The following BRPF3 variants were observed in gnomAD, a reference collection of about 807,000 sequenced individuals.
BRPF3 encodes bromodomain and PHD finger containing 3.
BRPF3 carries 18 observed loss-of-function variants against 102.0 expected under a neutral mutation model. The observed-to-expected ratio is 0.18, with a 90% CI of 0.12 to 0.26. BRPF3 has a LOEUF of 0.26. Ranked by LOEUF, BRPF3 falls within the 10% of genes least tolerant of loss-of-function variation. The pLI, the probability that BRPF3 is intolerant of heterozygous loss-of-function variation, is 1.00. For synonymous variants in BRPF3, 570 were observed against 614.2 expected (o/e 0.93, Z 1.06); for missense variants, 1,147 against 1,567.8 (o/e 0.73, Z 4.53).
chr6:36,204,856 G>A (rs771455384), intron 3 of BRPF3, 42 bp downstream of exon 3: 1 of 1,599,562 alleles, frequency 6.3e-7, no homozygotes, highest in Non-Finnish European at 8.5e-7. Flanking sequence ...GGGAGGTGGA[G>A]AGTGAAGGAA....
rs1768893781 is a variant in BRPF3, at chr6:36,230,266, T to C, written c.3435-160T>C. On this transcript the variant is annotated intron_variant, in intron 12 of 12. Coordinates refer to ENST00000357641, the MANE Select transcript of BRPF3 (RefSeq NM_015695.3). This position sits in a 1 kb window ranked among gnomAD's most constrained non-coding sequence, Gnocchi z 5.4. ...TATCCTGCTTGCTGTCCTCACCTGC[T>C]AGGTTCTTGGTGGCCTCCTGCATGG... Among the ~76,000 whole-genome samples the C allele has an allele frequency of 6.6e-6, 1 of 152,024 alleles. No individual in the cohort carries two copies. The highest frequency in any genetic ancestry group is 1.5e-5 in the Non-Finnish European group (1 of 67,996).
intron 3 of BRPF3, 100 bp downstream of exon 3, chr6:36,204,914 A>T (rs907219553): frequency 3.3e-6 from 5 of 1,501,312 alleles, no homozygotes; most frequent in South Asian, 1.3e-5. Flanking sequence ...TGATCCCTCC[A>T]TGGAGCCTTT....
chr6:36,206,100 G>A (rs960269186), intron 3 of BRPF3, among the ~76,000 whole-genome samples: 1 of 152,130 alleles, frequency 6.6e-6, no homozygotes, highest in Admixed American at 6.5e-5. Flanking sequence ...TCTTCATTCT[G>A]CAGCTCTCCT....
At chr6:36,203,678 C>T (rs548004150) in intron 2 of BRPF3, among the ~76,000 whole-genome samples, 18 of 152,270 alleles carry the variant, frequency 1.2e-4, no homozygotes, top group African/African-American at 3.6e-4. Context: ...TTTAGCTGTG[C>T]TTATCTTTGT....
intron 8 of BRPF3, among the ~76,000 whole-genome samples, chr6:36,217,092 G>A (rs1768354934): frequency 6.6e-6 from 1 of 152,158 alleles, no homozygotes; most frequent in Non-Finnish European, 1.5e-5. Flanking sequence ...TCACTTCAAG[G>A]TCATATACCT....
At chr6:36,212,302 A>G (rs1474515654) in intron 7 of BRPF3, among the ~76,000 whole-genome samples, 1 of 152,144 alleles carries the variant, frequency 6.6e-6, no homozygotes, top group Non-Finnish European at 1.5e-5. Flanking sequence ...CCGAGCCTAT[A>G]GCTTGGGAGG....
At chr6:36,224,029 G>T (rs1167797543) in intron 10 of BRPF3, among the ~76,000 whole-genome samples, 2 of 152,140 alleles carry the variant, frequency 1.3e-5, no homozygotes, top group Non-Finnish European at 2.9e-5. Flanking sequence ...GATTCAATAG[G>T]TGCAAAATAG....
At chr6:36,218,158 G>A in intron 9 of BRPF3, 148 bp downstream of exon 9, 1 of 644,768 alleles carries the variant, frequency 1.6e-6, no homozygotes, top group Non-Finnish European at 2.7e-6. Flanking sequence ...CTGTAACTCT[G>A]GGAGTTCCTA....
chr6:36,211,180 C>T (rs373108772), intron 6 of BRPF3, 78 bp from the exon 7 acceptor site: 25 of 1,456,116 alleles, frequency 1.7e-5, no homozygotes, highest in South Asian at 2.6e-5. Flanking sequence ...GTTTTGCATC[C>T]GAAGGATTCG....
Position 36,214,395 on chromosome 6 carries a change from G to T in BRPF3, c.2989+9G>T. 1 of 1,547,894 alleles carries T rather than the reference G, an allele frequency of 6.5e-7. No individual in the cohort carries two copies. Among genetic ancestry groups the T allele is most frequent in the Non-Finnish European group, 8.7e-7 (1 of 1,151,416 alleles). ...GCAGGAGGAAGAGACAGGTGACCCTGCCTGTGACTTCTCTTGATACTTCGC... is the reference window on the plus strand; with the variant it reads ...GCAGGAGGAAGAGACAGGTGACCCTTCCTGTGACTTCTCTTGATACTTCGC... On this transcript the variant is annotated intron_variant, in intron 8 of 12. Coordinates refer to ENST00000357641, the MANE Select transcript of BRPF3 (RefSeq NM_015695.3).
Position 36,210,290 on chromosome 6 carries a change from G to C in BRPF3, c.1941G>C (p.Leu647=). 2 of 1,614,240 alleles carry C rather than the reference G, an allele frequency of 1.2e-6. No homozygotes were observed. The highest frequency in any genetic ancestry group is 8.5e-7 in the Non-Finnish European group (1 of 1,180,042). The change falls in exon 6 of 13, where the codon CTG becomes CTC. Residue 647 remains leucine, a synonymous_variant. Coordinates refer to ENST00000357641, the MANE Select transcript of BRPF3 (RefSeq NM_015695.3). This position sits in a 1 kb window ranked among gnomAD's most constrained non-coding sequence, Gnocchi z 4.7. ...TGAGGCGGAAGCTGGAGTCCCACCT[G>C]TACCGCACCTTGGAGGAGTTTGAGG... is the stretch of plus-strand genomic sequence containing the variant. ...STMRRKLESH[L]YRTLEEFEED... is the part of the protein sequence containing the mutation.
At chr6:36,208,974 G>A (rs949392422) in intron 4 of BRPF3, among the ~76,000 whole-genome samples, 1 of 152,188 alleles carries the variant, frequency 6.6e-6, no homozygotes, top group Non-Finnish European at 1.5e-5. Context: ...GATGGAATCA[G>A]TATCTCAGCA....
chr6:36,197,213 G>T (rs1004810991), intron 1 of BRPF3: 2 of 151,212 alleles, frequency 1.3e-5, no homozygotes, highest in Non-Finnish European at 2.9e-5. Context: ...CCCAGCCCTG[G>T]ATTCCGAGCC....
chr6:36,205,267 C>T (rs1767865551), intron 3 of BRPF3, among the ~76,000 whole-genome samples: 1 of 152,226 alleles, frequency 6.6e-6, no homozygotes, highest in African/African-American at 2.4e-5. Context: ...TGGCTGTTAG[C>T]CATTAGCAAC....
In BRPF3 at chr6:36,210,511, G is replaced by A. The variant is rs200297276; in HGVS notation, c.2162G>A (p.Arg721His). The A allele has an allele frequency of 5.9e-5, 94 of 1,594,668 alleles. No individual in the cohort carries two copies. Among genetic ancestry groups the A allele is most frequent in the Non-Finnish European group, 7.6e-5 (90 of 1,176,566 alleles). Reference sequence around the variant, plus strand: ...TCACCCAAATTGGAAGACTTTTACCGCTTCTCCTGGGAAGACGGTGAGAGG... The same window carrying A: ...TCACCCAAATTGGAAGACTTTTACCACTTCTCCTGGGAAGACGGTGAGAGG... ...PESPKLEDFY[R>H]FSWEDVDNIL... The change falls in exon 6 of 13, where the codon CGC becomes CAC. Residue 721 changes from arginine to histidine, a missense_variant. Transcript: ENST00000357641. This position sits in a 1 kb window ranked among gnomAD's most constrained non-coding sequence, Gnocchi z 4.7.
chr6:36,198,387 G>A (rs1767581030), intron 1 of BRPF3, among the ~76,000 whole-genome samples: 1 of 152,136 alleles, frequency 6.6e-6, no homozygotes, highest in South Asian at 2.1e-4. Context: ...GTCACAGAGG[G>A]CCAAGATTAG....
chr6:36,214,339 G>A lies in BRPF3; in HGVS notation c.2942G>A (p.Cys981Tyr), dbSNP rs771232154. ...CGGAAGCGGCCAAGGAGCAGGAGCT[G>A]TAGTGAGAGCGAAGGGGAGAGGTCC... ...HSRKRPRSRSCSESEGERSPQ... is the reference protein window; with the variant it reads ...HSRKRPRSRSYSESEGERSPQ... Residue 981 changes from cysteine (C) to tyrosine (Y), a missense_variant, in exon 8 of 13, where the codon TGT becomes TAT. Cys to Tyr is a radical substitution (Grantham distance 194, BLOSUM62 -2). This residue lies in a region of BRPF3 where 379 missense variants were observed against 426.3 expected (regional missense o/e 0.89). Transcript: ENST00000357641. 1.7e-5 allele frequency: 28 copies of A among 1,611,716 alleles called. No homozygotes were observed. Among genetic ancestry groups the A allele is most frequent in the Non-Finnish European group, 1.5e-5 (18 of 1,179,182 alleles).
chr6:36,226,077 A>T (rs1359827941), intron 11 of BRPF3, among the ~76,000 whole-genome samples: 6 of 152,230 alleles, frequency 3.9e-5, no homozygotes, highest in Admixed American at 3.9e-4. Flanking sequence ...CCATATTTTA[A>T]CCATTCCCTA....
chr6:36,200,485 T>A lies in BRPF3; in HGVS notation c.163T>A (p.Tyr55Asn). The A allele has an allele frequency of 1.2e-6, 2 of 1,614,248 alleles. No individual in the cohort carries two copies. Among genetic ancestry groups the A allele is most frequent in the Non-Finnish European group, 1.7e-6 (2 of 1,180,038 alleles). ...IDGRLHRISI[Y>N]DPLKIITEDE... Reference sequence around the variant, plus strand: ...TGGACGCCTGCATCGTATCAGCATCTATGACCCACTCAAAATCATTACTGA... The same window carrying A: ...TGGACGCCTGCATCGTATCAGCATCAATGACCCACTCAAAATCATTACTGA... The change falls in exon 2 of 13, where the codon TAT becomes AAT. Residue 55 changes from tyrosine (Y) to asparagine (N), a missense_variant. Coordinates refer to ENST00000357641, the MANE Select transcript of BRPF3 (RefSeq NM_015695.3). The surrounding 1 kb of genome is among the most constrained non-coding windows in gnomAD (Gnocchi z 5.3).
Sources: allele counts gnomAD v4.1 joint callset (sites outside exome capture counted in the v4.1 genomes callset), GRCh38; gene constraint gnomAD v4.1.1; regional missense constraint gnomAD v4.1.1; non-coding constraint Gnocchi (gnomAD v3.1); transcripts MANE v1.5; gene names NCBI Gene and HGNC (gene_info 2026-07-23, HGNC 2026-07-21).